CAMK4: variants seen among roughly 807,000 people sequenced by gnomAD.
CAMK4 encodes calcium/calmodulin-dependent protein kinase type IV.
CAMK4 carries 22 observed loss-of-function variants against 44.9 expected under a neutral mutation model. The observed-to-expected ratio is 0.49, with a 90% CI of 0.35 to 0.70. The LOEUF is 0.70. Ranked by LOEUF, CAMK4 falls within the 30% of genes least tolerant of loss-of-function variation. The probability of loss-of-function intolerance (pLI) is 0.01; values close to 1 mark genes in which losing one functional copy is unlikely to be tolerated. For synonymous variants in CAMK4, 218 were observed against 215.4 expected (o/e 1.01, Z -0.11); for missense variants, 498 against 586.8 (o/e 0.85, Z 1.56).
chr5:111,333,158 A>C (rs1484849463), intron 1 of CAMK4, among the ~76,000 whole-genome samples: 1 of 151,370 alleles, frequency 6.6e-6, no homozygotes, highest in Non-Finnish European at 1.5e-5. Flanking sequence ...TTGTGTAGAT[A>C]CACATTAAAT....
At chr5:111,321,127 T>C (rs1374248720) in intron 1 of CAMK4, among the ~76,000 whole-genome samples, 1 of 152,134 alleles carries the variant, frequency 6.6e-6, no homozygotes, top group East Asian at 1.9e-4. Context: ...TACCAGGAAC[T>C]CCCACTTCCT....
At chr5:111,268,543 T>A (rs553887524) in intron 1 of CAMK4, among the ~76,000 whole-genome samples, 2 of 152,332 alleles carry the variant, frequency 1.3e-5, no homozygotes, top group Admixed American at 1.3e-4. Flanking sequence ...TCTAAACATT[T>A]GCAGGGAGTT....
At chr5:111,357,904 A>C (rs1750434909) in intron 2 of CAMK4, 1 of 152,006 alleles carries the variant, frequency 6.6e-6, no homozygotes, top group Non-Finnish European at 1.5e-5. Context: ...TTCAAAATAC[A>C]CAATAGCATG....
intron 1 of CAMK4, among the ~76,000 whole-genome samples, chr5:111,273,350 G>A (rs1036216469): frequency 3.3e-5 from 5 of 151,522 alleles, no homozygotes; most frequent in African/African-American, 1.2e-4. Context: ...CAGTTGTCTA[G>A]AAAAAGGCAA....
chr5:111,354,920 C>G (rs971738638), intron 2 of CAMK4, among the ~76,000 whole-genome samples: 3 of 152,064 alleles, frequency 2.0e-5, no homozygotes, highest in Non-Finnish European at 4.4e-5. Context: ...ACATGGAAAA[C>G]TGACAATGAG....
chr5:111,376,189 A>G (rs1053838108), intron 3 of CAMK4, among the ~76,000 whole-genome samples: 1 of 151,994 alleles, frequency 6.6e-6, no homozygotes, highest in Non-Finnish European at 1.5e-5. Flanking sequence ...TCTCTTCTCT[A>G]CAAAGATAAG....
upstream of CAMK4, chr5:111,224,228 T>G: frequency 2.9e-6 from 1 of 345,992 alleles, no homozygotes. The surrounding 1 kb of genome is among the most constrained non-coding windows in gnomAD (Gnocchi z 5.7). Flanking sequence ...GGAGGGAGCC[T>G]CTCTCCTCAG....
chr5:111,334,455 T>C (rs984497630), intron 1 of CAMK4, among the ~76,000 whole-genome samples: 3 of 151,470 alleles, frequency 2.0e-5, no homozygotes, highest in Middle Eastern at 3.2e-3. Context: ...TGGGCCAAGA[T>C]GTATACTGAT....
Position 111,406,173 on chromosome 5 carries a change from GT to G in CAMK4, c.459+11394del, listed in dbSNP as rs77870066. ...GATTACCTCTTTCTCTTCCACTCCT[GT>G]TTCCTTCTCCTAATTTATTTTCTCT... On this transcript the variant is annotated intron_variant, in intron 5 of 10. Coordinates refer to ENST00000282356, the MANE Select transcript of CAMK4 (RefSeq NM_001744.6). Among the ~76,000 whole-genome samples, 491 of 140,920 alleles carry G rather than the reference GT, an allele frequency of 3.5e-3. 3 individuals are homozygous for G. Among genetic ancestry groups the G allele is most frequent in the African/African-American group, 0.012 (420 of 36,036 alleles). 92.4% of individuals were successfully genotyped at this position (140,920 alleles called of 152,430 possible).
intron 5 of CAMK4, among the ~76,000 whole-genome samples, chr5:111,410,589 T>C (rs565933483): frequency 9.5e-4 from 145 of 152,262 alleles, no homozygotes; most frequent in Middle Eastern, 6.8e-3. Flanking sequence ...TACTCTGTGG[T>C]AGTAGTTGTT....
intron 5 of CAMK4, among the ~76,000 whole-genome samples, chr5:111,426,617 G>C (rs1159683062): frequency 6.6e-6 from 1 of 152,114 alleles, no homozygotes; most frequent in Non-Finnish European, 1.5e-5. Context: ...TTAAAAATCA[G>C]TCCTGAATCA....
In CAMK4 at chr5:111,491,793, T is replaced by A. The variant is rs927394057; in HGVS notation, c.*7327T>A. 2 of 152,176 alleles carry A rather than the reference T, an allele frequency of 1.3e-5. No individual in the cohort carries two copies. Among genetic ancestry groups the A allele is most frequent in the Admixed American group, 6.5e-5 (1 of 15,274 alleles). The allele number at this position is 152,176 out of a possible 1,614,324, so 9.4% of individuals were successfully genotyped here. Reference sequence around the variant, plus strand: ...CTTACTAAGCTAAGAAATAAGAAGATCCCTATGGTTCTGAATCTCTCATAA... The same window carrying A: ...CTTACTAAGCTAAGAAATAAGAAGAACCCTATGGTTCTGAATCTCTCATAA... On this transcript the variant is annotated 3_prime_UTR_variant, in exon 11 of 11. Coordinates refer to ENST00000282356, the MANE Select transcript of CAMK4 (RefSeq NM_001744.6).
At chr5:111,352,047 G>A (rs1009561492) in intron 2 of CAMK4, among the ~76,000 whole-genome samples, 3 of 151,970 alleles carry the variant, frequency 2.0e-5, no homozygotes, top group Admixed American at 1.3e-4. Flanking sequence ...ATCCTATCAT[G>A]AGGGCTCTAC....
At chr5:111,369,831 CTATG>C (rs1750936541) in intron 2 of CAMK4, among the ~76,000 whole-genome samples, 1 of 152,056 alleles carries the variant, frequency 6.6e-6, no homozygotes, top group East Asian at 1.9e-4. Flanking sequence ...TATGTAAATG[CTATG>C]TAAACAGTTG....
At position 111,254,152 on chromosome 5, in the gene CAMK4, A is replaced by G. The variant is rs144155524; in HGVS notation, c.161+29508A>G. 4.4e-4 allele frequency among the ~76,000 whole-genome samples: 67 copies of G among 152,322 alleles called. No individual in the cohort carries two copies. The East Asian group carries it at 0.01, about 24-fold the overall frequency. ...GAAGTGACTCAAATTTTACTCTTAAAAGGTCTGTTTTGGAACTTGAGGGCA... is the reference window on the plus strand; with the variant it reads ...GAAGTGACTCAAATTTTACTCTTAAGAGGTCTGTTTTGGAACTTGAGGGCA... On this transcript the variant is annotated intron_variant, in intron 1 of 10. Transcript: ENST00000282356.
intron 1 of CAMK4, among the ~76,000 whole-genome samples, chr5:111,326,651 C>T (rs1449050630): frequency 6.8e-6 from 1 of 147,872 alleles, no homozygotes; most frequent in Non-Finnish European, 1.5e-5. Context: ...ATATGCTTTG[C>T]GTGTCTCTCT....
At chr5:111,469,329 A>G (rs1481872072) in intron 7 of CAMK4, among the ~76,000 whole-genome samples, 1 of 151,782 alleles carries the variant, frequency 6.6e-6, no homozygotes, top group Non-Finnish European at 1.5e-5. Flanking sequence ...TGAATTTATT[A>G]TGGATGGCAT....
intron 1 of CAMK4, among the ~76,000 whole-genome samples, chr5:111,336,601 C>T (rs1286999099): frequency 1.3e-5 from 2 of 150,732 alleles, no homozygotes; most frequent in African/African-American, 2.4e-5. Context: ...CAGCCAAAAA[C>T]GTATTTATTA....
chr5:111,441,366 C>G (rs1753816942), intron 5 of CAMK4, among the ~76,000 whole-genome samples: 1 of 152,106 alleles, frequency 6.6e-6, no homozygotes. Flanking sequence ...AAAATATGAG[C>G]CAATAAATTA....
Sources: allele counts gnomAD v4.1 joint callset (sites outside exome capture counted in the v4.1 genomes callset), GRCh38; gene constraint gnomAD v4.1.1; non-coding constraint Gnocchi (gnomAD v3.1); transcripts MANE v1.5; gene names NCBI Gene and HGNC (gene_info 2026-07-23, HGNC 2026-07-21).